MBTPS1: variants seen among roughly 807,000 people sequenced by gnomAD.
MBTPS1 encodes membrane bound transcription factor peptidase, site 1.
MBTPS1 carries 94 observed loss-of-function variants against 127.8 expected under a neutral mutation model. The ratio of observed to expected loss-of-function variants is 0.74; its 90% confidence interval spans 0.62 to 0.87. The LOEUF (loss-of-function observed/expected upper bound fraction) is 0.87. MBTPS1 is among the 40% of genes least tolerant of loss of function. MBTPS1 has a pLI of 0.00. For synonymous variants in MBTPS1, 632 were observed against 509.4 expected (o/e 1.24, Z -3.24); for missense variants, 1,636 against 1,353.2 (o/e 1.21, Z -3.28).
At position 84,093,296 on chromosome 16, in the gene MBTPS1, C is replaced by T. The variant is rs16962810; in HGVS notation, c.738G>A (p.Gly246=). ...CTGCCACGAATGTGCCATGGCCCAA[C>T]CCTGCAGTCCATAAAGAAAACAATC... ...NWTNERTLDD[G]LGHGTFVAGV... is the part of the protein sequence containing the mutation. Residue 246 remains glycine, a splice_region_variant and synonymous_variant, in exon 6 of 23, where the codon GGG becomes GGA. Transcript: ENST00000343411. 0.01 allele frequency: 16,510 copies of T among 1,598,972 alleles called. 121 individuals are homozygous for T. Among genetic ancestry groups the T allele is most frequent in the African/African-American group, 0.023 (1,733 of 74,798 alleles).
At chr16:84,076,872 C>G (rs2085861253) in intron 11 of MBTPS1, among the ~76,000 whole-genome samples, 1 of 152,202 alleles carries the variant, frequency 6.6e-6, no homozygotes, top group African/African-American at 2.4e-5. Flanking sequence ...CAACAAGCTT[C>G]TTTCATAGAA....
chr16:84,054,684 C>T (rs760755168), intron 22 of MBTPS1, 39 bp from the exon 23 acceptor site: 1 of 1,471,386 alleles, frequency 6.8e-7, no homozygotes, highest in Non-Finnish European at 9.1e-7. Context: ...AGGAACGCCA[C>T]AGAGCTACCA....
chr16:84,094,575 T>C (rs941881754), intron 4 of MBTPS1, among the ~76,000 whole-genome samples: 1 of 152,192 alleles, frequency 6.6e-6, no homozygotes, highest in African/African-American at 2.4e-5. Context: ...AAGAGGGTAA[T>C]GTCTTTCTGG....
At chr16:84,091,878 T>G in intron 6 of MBTPS1, 30 bp from the exon 7 acceptor site, 1 of 1,273,766 alleles carries the variant, frequency 7.9e-7, no homozygotes, top group Non-Finnish European at 1.2e-6. Flanking sequence ...GTCTGCTTAG[T>G]GTTTCAATCA....
At chr16:84,080,551 G>A (rs1437593207) in intron 11 of MBTPS1, among the ~76,000 whole-genome samples, 6 of 152,242 alleles carry the variant, frequency 3.9e-5, no homozygotes, top group East Asian at 3.8e-4. Flanking sequence ...GCTGACACCC[G>A]CAGCTGCCAC....
chr16:84,054,935 G>C (rs938352508), intron 22 of MBTPS1, among the ~76,000 whole-genome samples: 1 of 152,128 alleles, frequency 6.6e-6, no homozygotes, highest in Non-Finnish European at 1.5e-5. Flanking sequence ...CTATGCTTCT[G>C]TCACAACCTA....
At position 84,101,738 on chromosome 16, in the gene MBTPS1, A is replaced by G. The variant is rs368539164; in HGVS notation, c.46T>C (p.Cys16Arg). ...CTGTCGCCCAGATGTTTCTTCCCAC[A>G]GAGCAAAACCACGAGCAGAAGCAGC... ...IWLLLLVVLL[C>R]GKKHLGDRLE... Residue 16 changes from cysteine to arginine, a missense_variant, in exon 2 of 23, where the codon TGT becomes CGT. Coordinates refer to ENST00000343411, the MANE Select transcript of MBTPS1 (RefSeq NM_003791.4). 1 of 1,614,184 alleles carries G rather than the reference A, an allele frequency of 6.2e-7. No individual in the cohort carries two copies. The highest frequency in any genetic ancestry group is 8.5e-7 in the Non-Finnish European group (1 of 1,180,018).
rs1158491220 is a variant in MBTPS1, at chr16:84,091,950, CTTAAT to C, written c.847-107_847-103del. On this transcript the variant is annotated intron_variant, in intron 6 of 22. Transcript: ENST00000343411. ...CTCTTTTAAAATTACAAGTAGTTCT[CTTAAT>C]TTTTTTTTACTTAAAACCAGAAATG... The C allele has an allele frequency of 5.5e-6, 4 of 724,278 alleles. No individual in the cohort carries two copies. The African/African-American group carries it at 7.2e-5, about 13-fold the overall frequency. The allele number at this position is 724,278 out of a possible 1,614,324, so 44.9% of individuals were successfully genotyped here.
intron 14 of MBTPS1, among the ~76,000 whole-genome samples, 180 bp from the exon 15 acceptor site, chr16:84,068,634 C>T (rs767529003): frequency 2.6e-5 from 4 of 152,156 alleles, no homozygotes; most frequent in South Asian, 2.1e-4. Context: ...TCTGGACACA[C>T]GGAAATGGCT....
intron 13 of MBTPS1, 42 bp downstream of exon 13, chr16:84,070,546 C>G (rs755613769): frequency 1.3e-6 from 2 of 1,599,310 alleles, no homozygotes; most frequent in Non-Finnish European, 1.7e-6. Flanking sequence ...AAGGTGATGT[C>G]AAACAGCTAA....
Position 84,093,178 on chromosome 16 carries a change from A to C in MBTPS1, c.846+10T>G, listed in dbSNP as rs3743634. On this transcript the variant is annotated intron_variant, in intron 6 of 22. Transcript: ENST00000343411. ...ATTCCTCAAGTTTCAGGAGTCCTCA[A>C]AACACCTACCTGATTATTGGTAAAG... 1 of 1,582,886 alleles carries C rather than the reference A, an allele frequency of 6.3e-7. No homozygotes were observed.
intron 8 of MBTPS1, among the ~76,000 whole-genome samples, chr16:84,090,245 T>G (rs2086084934): frequency 6.6e-6 from 1 of 152,184 alleles, no homozygotes; most frequent in African/African-American, 2.4e-5. Context: ...AACTGAGACC[T>G]CTAACCAGAC....
intron 19 of MBTPS1, among the ~76,000 whole-genome samples, chr16:84,063,019 C>T (rs1178385242): frequency 6.6e-6 from 1 of 152,262 alleles, no homozygotes; most frequent in African/African-American, 2.4e-5. Context: ...GGACTCTCCA[C>T]CACAACGCGG....
At chr16:84,102,342 A>G (rs539606859) in intron 1 of MBTPS1, among the ~76,000 whole-genome samples, 1 of 152,312 alleles carries the variant, frequency 6.6e-6, no homozygotes, top group South Asian at 2.1e-4. Context: ...TAAAATAAAT[A>G]AGAGGGTAAA....
At chr16:84,115,061 T>G (rs530237912) in intron 1 of MBTPS1, among the ~76,000 whole-genome samples, 37 of 152,064 alleles carry the variant, frequency 2.4e-4, no homozygotes, top group African/African-American at 8.2e-4. Flanking sequence ...CCCGAGTAGC[T>G]GGGATTACAG....
chr16:84,087,468 G>T lies in MBTPS1; in HGVS notation c.1032-8C>A. ...GCAGGGTTATTCAGAGTGCTATATT[G>T]AGACCAAAAAAAAAAAAAAAGAAAA... On this transcript the variant is annotated splice_region_variant and splice_polypyrimidine_tract_variant and intron_variant, in intron 8 of 22. Transcript: ENST00000343411. The T allele has an allele frequency of 1.0e-5, 13 of 1,266,012 alleles. No individual in the cohort carries two copies. Among genetic ancestry groups the T allele is most frequent in the Non-Finnish European group, 1.3e-5 (12 of 927,220 alleles). 78.4% of individuals were successfully genotyped at this position (1,266,012 alleles called of 1,614,324 possible). A position where few individuals can be genotyped will look rare whatever the true frequency, so the allele number is the denominator to read the frequency against.
intron 10 of MBTPS1, among the ~76,000 whole-genome samples, chr16:84,084,574 T>A (rs1424624030): frequency 6.6e-6 from 1 of 152,248 alleles, no homozygotes; most frequent in Admixed American, 6.5e-5. Flanking sequence ...TTTGTTTTTC[T>A]TTTTTAAAGT....
chr16:84,084,374 G>A (rs1466796572), intron 10 of MBTPS1, among the ~76,000 whole-genome samples: 1 of 152,198 alleles, frequency 6.6e-6, no homozygotes, highest in Admixed American at 6.5e-5. Context: ...GTCAGTCCCT[G>A]GTGGCTCTGA....
At chr16:84,065,997 A>T (rs1249338385) in intron 17 of MBTPS1, among the ~76,000 whole-genome samples, 1 of 152,222 alleles carries the variant, frequency 6.6e-6, no homozygotes, top group African/African-American at 2.4e-5. Context: ...ACATTTTATA[A>T]TCAAAGAAAA....
Sources: allele counts gnomAD v4.1 joint callset (sites outside exome capture counted in the v4.1 genomes callset), GRCh38; gene constraint gnomAD v4.1.1; transcripts MANE v1.5; gene names NCBI Gene and HGNC (gene_info 2026-07-23, HGNC 2026-07-21).